Variants in GNE observed in about 807,000 individuals in gnomAD.
GNE encodes the protein bifunctional UDP-N-acetylglucosamine 2-epimerase/N-acetylmannosamine kinase.
A neutral mutation model predicts 61.8 loss-of-function variants in GNE; 41 were observed. The observed-to-expected ratio is 0.66, with a 90% CI of 0.52 to 0.86. GNE has a LOEUF of 0.86. GNE is among the 40% of genes least tolerant of loss of function. The probability of loss-of-function intolerance (pLI) is 0.00; values close to 1 mark genes in which losing one functional copy is unlikely to be tolerated. For synonymous variants in GNE, 264 were observed against 326.4 expected (o/e 0.81, Z 2.06); for missense variants, 608 against 909.1 (o/e 0.67, Z 4.26).
At chr9:36,255,038 G>T (rs115589905) in intron 1 of GNE, among the ~76,000 whole-genome samples, 8,130 of 152,236 alleles carry the variant, frequency 0.053, 266 homozygotes, top group Non-Finnish European at 0.077. Flanking sequence ...AGGTAACATT[G>T]TTCTATTTTT....
intron 1 of GNE, among the ~76,000 whole-genome samples, chr9:36,273,309 T>C (rs1021060282): frequency 6.6e-6 from 1 of 150,832 alleles, no homozygotes; most frequent in Admixed American, 6.6e-5. Flanking sequence ...CTCCGCCTCC[T>C]GGGTTCAAGC....
chr9:36,225,319 G>A (rs938918004), intron 7 of GNE, among the ~76,000 whole-genome samples: 1 of 151,978 alleles, frequency 6.6e-6, no homozygotes, highest in Non-Finnish European at 1.5e-5. Context: ...TAGGGTTAGA[G>A]CTGTCACTAG....
intron 9 of GNE, among the ~76,000 whole-genome samples, chr9:36,221,033 A>C (rs1004283364): frequency 1.3e-5 from 2 of 152,234 alleles, no homozygotes; most frequent in African/African-American, 4.8e-5. Flanking sequence ...AAAGTACATG[A>C]GCTTAGGCTG....
chr9:36,246,128 C>T lies in GNE; in HGVS notation c.519G>A (p.Glu173=). The T allele has an allele frequency of 6.2e-7, 1 of 1,614,170 alleles. No individual in the cohort carries two copies. The highest frequency in any genetic ancestry group is 8.5e-7 in the Non-Finnish European group (1 of 1,180,006). ...CTGCCAAAAGGATGCGATCATGGTCCTCACACATGGATATCAGGTGCTGCT... is the reference window on the plus strand; with the variant it reads ...CTGCCAAAAGGATGCGATCATGGTCTTCACACATGGATATCAGGTGCTGCT... ...SAEQHLISMC[E]DHDRILLAGC... Residue 173 remains glutamate, a synonymous_variant, in exon 3 of 12, where the codon GAG becomes GAA. Coordinates refer to ENST00000642385, the MANE Select transcript of GNE (RefSeq NM_005476.7).
chr9:36,260,008 T>C (rs982842285), upstream of GNE, among the ~76,000 whole-genome samples: 4 of 152,128 alleles, frequency 2.6e-5, no homozygotes, highest in African/African-American at 7.2e-5. Flanking sequence ...GAGAATGGAT[T>C]GGTAGCAGTG....
intron 3 of GNE, among the ~76,000 whole-genome samples, chr9:36,245,672 T>C (rs988388022): frequency 1.3e-5 from 2 of 151,992 alleles, no homozygotes; most frequent in African/African-American, 4.8e-5. Flanking sequence ...AGACTCCATC[T>C]CAAAAAATAA....
chr9:36,228,793 C>CAA lies in GNE; in HGVS notation c.1070+226_1070+227dup, dbSNP rs71336431. ...TGGGCAACAGATCAAGAGTCCATCT[C>CAA]AAAAAAAAAAAAAAAAAAAAGAAAT... On this transcript the variant is annotated intron_variant, in intron 6 of 11. Transcript: ENST00000642385. Among the ~76,000 whole-genome samples the CAA allele has an allele frequency of 2.3e-3, 168 of 72,362 alleles. 2 individuals carry two copies. Among genetic ancestry groups the CAA allele is most frequent in the East Asian group, 0.021 (47 of 2,252 alleles). 47.5% of individuals were successfully genotyped at this position (72,362 alleles called of 152,430 possible).
chr9:36,246,613 A>T, intron 2 of GNE, 131 bp from the exon 3 acceptor site: 1 of 650,458 alleles, frequency 1.5e-6, no homozygotes, highest in South Asian at 1.8e-5. Context: ...TATAACTTAC[A>T]AACATAAAAA....
At chr9:36,269,441 A>G (rs1321646491) in intron 1 of GNE, among the ~76,000 whole-genome samples, 1 of 151,292 alleles carries the variant, frequency 6.6e-6, no homozygotes, top group East Asian at 1.9e-4. Flanking sequence ...CCTATGTTCA[A>G]TTGCCTACTA....
At chr9:36,266,777 C>T (rs1402637621) in intron 1 of GNE, among the ~76,000 whole-genome samples, 5 of 152,252 alleles carry the variant, frequency 3.3e-5, no homozygotes, top group South Asian at 2.1e-4. Flanking sequence ...GGCGTGGTGG[C>T]GGGCGCCTGT....
At chr9:36,263,151 A>G (rs751393624), upstream of GNE, 1 of 150,984 alleles carries the variant, frequency 6.6e-6, no homozygotes, top group Non-Finnish European at 1.5e-5. Context: ...ACAGAAACCT[A>G]TCTCAAGGTT....
chr9:36,225,993 TG>T (rs1828848074), intron 7 of GNE, among the ~76,000 whole-genome samples: 1 of 152,188 alleles, frequency 6.6e-6, no homozygotes, highest in South Asian at 2.1e-4. Context: ...TCTCCATTTT[TG>T]CTATTCCTTC....
chr9:36,247,144 C>T (rs750799954), intron 2 of GNE, among the ~76,000 whole-genome samples: 4 of 151,950 alleles, frequency 2.6e-5, no homozygotes, highest in African/African-American at 7.3e-5. Flanking sequence ...GCAACCTCCA[C>T]CTCCCAGGTT....
At chr9:36,226,206 T>C (rs1413651892) in intron 7 of GNE, among the ~76,000 whole-genome samples, 1 of 152,312 alleles carries the variant, frequency 6.6e-6, no homozygotes, top group Non-Finnish European at 1.5e-5. Flanking sequence ...GGAGTCTCAC[T>C]CTGTTGCCCA....
chr9:36,220,920 C>T (rs1828555794), intron 9 of GNE, among the ~76,000 whole-genome samples: 1 of 152,216 alleles, frequency 6.6e-6, no homozygotes, highest in South Asian at 2.1e-4. Flanking sequence ...ATTCCTCAAC[C>T]CCTAGCCCTC....
Position 36,218,098 on chromosome 9 carries a change from G to T in GNE, c.1933+85C>A. 1.1e-6 allele frequency: 1 copy of T among 883,066 alleles called. No homozygotes were observed. Among genetic ancestry groups the T allele is most frequent in the Non-Finnish European group, 1.9e-6 (1 of 514,246 alleles). The allele number at this position is 883,066 out of a possible 1,614,324, so 54.7% of individuals were successfully genotyped here. ...CTGCAAAGCACCTGTCCCTAGGGAAGCAGGGTCTCTTCTGGGGCCGGGCTG... is the reference window on the plus strand; with the variant it reads ...CTGCAAAGCACCTGTCCCTAGGGAATCAGGGTCTCTTCTGGGGCCGGGCTG... On this transcript the variant is annotated intron_variant, in intron 11 of 11. Transcript: ENST00000642385. This position sits in a 1 kb window ranked among gnomAD's most constrained non-coding sequence, Gnocchi z 4.1.
chr9:36,217,952 G>A (rs142722148), intron 11 of GNE, among the ~76,000 whole-genome samples: 76 of 152,316 alleles, frequency 5.0e-4, no homozygotes, highest in African/African-American at 1.8e-3. Context: ...AATGAAAGGA[G>A]CATTTTTATA....
At chr9:36,257,418 C>T (rs1295073267) in intron 1 of GNE, among the ~76,000 whole-genome samples, 3 of 152,202 alleles carry the variant, frequency 2.0e-5, no homozygotes, top group African/African-American at 7.2e-5. Context: ...GTTGGGTTAA[C>T]GAGTTACCTA....
In GNE at chr9:36,217,016, G is replaced by C; in HGVS notation, c.*349C>G. ...AACTTCAGGATGAAGTGATATCCCA[G>C]GCAAGGCCTGAAGGTCTCAGTGGTA... On this transcript the variant is annotated 3_prime_UTR_variant, in exon 12 of 12. Coordinates refer to ENST00000642385, the MANE Select transcript of GNE (RefSeq NM_005476.7). 1 of 348,482 alleles carries C rather than the reference G, an allele frequency of 2.9e-6. No individual in the cohort carries two copies. The highest frequency in any genetic ancestry group is 5.5e-6 in the Non-Finnish European group (1 of 180,790). The allele number at this position is 348,482 out of a possible 1,614,324, so 21.6% of individuals were successfully genotyped here.
Sources: allele counts gnomAD v4.1 joint callset (sites outside exome capture counted in the v4.1 genomes callset), GRCh38; gene constraint gnomAD v4.1.1; non-coding constraint Gnocchi (gnomAD v3.1); transcripts MANE v1.5; gene names NCBI Gene and HGNC (gene_info 2026-07-23, HGNC 2026-07-21).